Variants in KSR2 observed in about 807,000 individuals in gnomAD.
The protein encoded by KSR2 is kinase suppressor of ras 2.
A neutral mutation model predicts 107.8 loss-of-function variants in KSR2; 25 were observed. The observed-to-expected ratio is 0.23, with a 90% CI of 0.17 to 0.32. The LOEUF (loss-of-function observed/expected upper bound fraction) is 0.32, where lower values mean the gene tolerates loss of function less well. Ranked by LOEUF, KSR2 falls within the 10% of genes least tolerant of loss-of-function variation. The pLI, the probability that KSR2 is intolerant of heterozygous loss-of-function variation, is 1.00. For synonymous variants in KSR2, 480 were observed against 507.0 expected, an observed-to-expected ratio of 0.95 and a Z score of 0.71; for missense variants, 887 against 1,268.9, an observed-to-expected ratio of 0.70 and a Z score of 4.57.
chr12:117,600,323 G>C (rs186339149), intron 5 of KSR2, among the ~76,000 whole-genome samples: 3 of 152,282 alleles, frequency 2.0e-5, no homozygotes, highest in Admixed American at 2.0e-4. Context: ...ATAGTCAGTG[G>C]GGAAAGGAAG....
At chr12:117,745,473 A>G (rs1888374911) in intron 4 of KSR2, among the ~76,000 whole-genome samples, 2 of 152,168 alleles carry the variant, frequency 1.3e-5, no homozygotes, top group South Asian at 4.1e-4. Flanking sequence ...TAAAATATAT[A>G]AGGAATTCAA....
At chr12:117,617,687 C>A (rs181395603) in intron 5 of KSR2, among the ~76,000 whole-genome samples, 8 of 152,238 alleles carry the variant, frequency 5.3e-5, no homozygotes, top group Admixed American at 5.2e-4. Context: ...GTTGATGGGT[C>A]TAGGAGGATG....
chr12:117,844,031 A>C (rs1278036670), intron 3 of KSR2, among the ~76,000 whole-genome samples: 1 of 150,074 alleles, frequency 6.7e-6, no homozygotes. Flanking sequence ...TACTCACAGT[A>C]ATTTGGCTTC....
At chr12:117,536,464 C>T (rs1442064286) in intron 10 of KSR2, among the ~76,000 whole-genome samples, 30 of 152,172 alleles carry the variant, frequency 2.0e-4, no homozygotes, top group Admixed American at 1.8e-3. Context: ...AAAATGGATG[C>T]ACACTCATAT....
At chr12:117,592,359 C>T (rs945638767) in intron 5 of KSR2, among the ~76,000 whole-genome samples, 1 of 152,070 alleles carries the variant, frequency 6.6e-6, no homozygotes, top group Non-Finnish European at 1.5e-5. Context: ...GGTGATCCTC[C>T]CACTTCAGCC....
intron 4 of KSR2, among the ~76,000 whole-genome samples, chr12:117,737,932 C>T (rs1457482976): frequency 6.6e-6 from 1 of 152,068 alleles, no homozygotes; most frequent in East Asian, 1.9e-4. Flanking sequence ...GGTTGGCCAG[C>T]GTACCTCTTA....
At chr12:117,781,986 A>C (rs1889904492) in intron 3 of KSR2, among the ~76,000 whole-genome samples, 1 of 152,236 alleles carries the variant, frequency 6.6e-6, no homozygotes, top group Non-Finnish European at 1.5e-5. Flanking sequence ...TACTAGCAAC[A>C]GAGATGTTCA....
chr12:117,554,175 C>T (rs939486697), intron 9 of KSR2, among the ~76,000 whole-genome samples: 1 of 152,080 alleles, frequency 6.6e-6, no homozygotes. Context: ...GCTGGGCATA[C>T]CCCCGGGATA....
At chr12:117,900,579 CA>C (rs57499548) in intron 1 of KSR2, among the ~76,000 whole-genome samples, 23,309 of 152,088 alleles carry the variant, frequency 0.15, 2,343 homozygotes, top group East Asian at 0.49. Flanking sequence ...TATGTTGCAT[CA>C]TACAGTAGGC....
chr12:117,933,668 C>T (rs989178895), intron 1 of KSR2, among the ~76,000 whole-genome samples: 6 of 152,100 alleles, frequency 3.9e-5, no homozygotes, highest in South Asian at 2.1e-4. Flanking sequence ...TCAGGAAACC[C>T]GATAAACAGC....
At chr12:117,687,798 C>A (rs934136029) in intron 4 of KSR2, among the ~76,000 whole-genome samples, 2 of 152,118 alleles carry the variant, frequency 1.3e-5, no homozygotes, top group Non-Finnish European at 2.9e-5. Flanking sequence ...GAATCTTCAA[C>A]AGCATGACAC....
chr12:117,865,509 A>C (rs1893439622), intron 1 of KSR2, among the ~76,000 whole-genome samples: 1 of 152,146 alleles, frequency 6.6e-6, no homozygotes, highest in Admixed American at 6.6e-5. Context: ...ATAAATGACC[A>C]TGCTTTATCA....
chr12:117,826,148 T>TGAAC (rs774569202), intron 3 of KSR2, among the ~76,000 whole-genome samples: 1 of 151,566 alleles, frequency 6.6e-6, no homozygotes, highest in Non-Finnish European at 1.5e-5. Context: ...GGAGGAAGAA[T>TGAAC]GAATGAATGA....
intron 5 of KSR2, among the ~76,000 whole-genome samples, chr12:117,637,089 A>G (rs985227798): frequency 1.3e-5 from 2 of 150,540 alleles, no homozygotes; most frequent in African/African-American, 4.9e-5. Flanking sequence ...GCAAACTGAA[A>G]TTAAACTGAG....
chr12:117,584,967 A>AC, intron 5 of KSR2, among the ~76,000 whole-genome samples: 1 of 152,152 alleles, frequency 6.6e-6, no homozygotes, highest in South Asian at 2.1e-4. Context: ...GAGCCCCCGC[A>AC]CCCCCGTTCT....
intron 7 of KSR2, among the ~76,000 whole-genome samples, chr12:117,563,195 G>A (rs1161856160): frequency 6.6e-6 from 1 of 152,072 alleles, no homozygotes; most frequent in African/African-American, 2.4e-5. Flanking sequence ...AGATTCCCAG[G>A]CCTCACTCTC....
At chr12:117,584,972 C>T (rs1325171584) in intron 5 of KSR2, among the ~76,000 whole-genome samples, 3 of 152,198 alleles carry the variant, frequency 2.0e-5, no homozygotes, top group South Asian at 2.1e-4. Context: ...CCCGCACCCC[C>T]GTTCTCAACC....
intron 14 of KSR2, among the ~76,000 whole-genome samples, chr12:117,489,182 G>A (rs141592735): frequency 6.3e-4 from 96 of 152,088 alleles, no homozygotes; most frequent in African/African-American, 2.1e-3. Context: ...CGGGGGTGCT[G>A]GAAGGAGCAT....
At chr12:117,886,638 T>A (rs1894185835) in intron 1 of KSR2, among the ~76,000 whole-genome samples, 1 of 152,184 alleles carries the variant, frequency 6.6e-6, no homozygotes, top group African/African-American at 2.4e-5. Flanking sequence ...ACAATGCATT[T>A]CTCAGAACGT....
Sources: allele counts gnomAD v4.1 joint callset (sites outside exome capture counted in the v4.1 genomes callset), GRCh38; gene constraint gnomAD v4.1.1; transcripts MANE v1.5; gene names NCBI Gene and HGNC (gene_info 2026-07-23, HGNC 2026-07-21).